The following DNM3 variants were observed in gnomAD, a reference collection of about 807,000 sequenced individuals.
DNM3 encodes the protein dynamin-3.
Under a neutral mutation model 101.6 loss-of-function variants are expected in DNM3, and 47 were observed. The observed-to-expected ratio is 0.46, with a 90% CI of 0.37 to 0.59. DNM3 has a LOEUF of 0.59. Ranked by LOEUF, DNM3 falls within the 20% of genes least tolerant of loss-of-function variation. DNM3 has a pLI of 0.00. For synonymous variants in DNM3, 385 were observed against 387.9 expected (o/e 0.99, Z 0.09); for missense variants, 849 against 1,085.7 (o/e 0.78, Z 3.06).
intron 15 of DNM3, among the ~76,000 whole-genome samples, chr1:172,295,342 G>C (rs1017422127): frequency 5.3e-5 from 8 of 152,250 alleles, no homozygotes; most frequent in Admixed American, 3.3e-4. Context: ...TAAACATGTA[G>C]AGTTCCATCT....
At position 171,876,702 on chromosome 1, in the gene DNM3, T is replaced by A. The variant is rs778037230; in HGVS notation, c.161+34885T>A. On this transcript the variant is annotated intron_variant, in intron 1 of 20. Coordinates refer to ENST00000627582, the MANE Select transcript of DNM3 (RefSeq NM_015569.5). The stretch of plus-strand genomic sequence containing the variant: ...AAAAAATGACATTTATTGACTATAA[T>A]CTAGAAAGAGCAAAAGCAATTATTT... 2.0e-5 allele frequency among the ~76,000 whole-genome samples: 3 copies of A among 152,352 alleles called. No homozygotes were observed. In the East Asian group the frequency reaches 5.8e-4, roughly 29 times the overall value.
intron 14 of DNM3, among the ~76,000 whole-genome samples, chr1:172,163,010 A>T (rs917125161): frequency 6.6e-6 from 1 of 152,096 alleles, no homozygotes; most frequent in Non-Finnish European, 1.5e-5. Context: ...CTTGAGACTT[A>T]TTTTTCTTAC....
chr1:172,341,711 A>G (rs2066693787), intron 17 of DNM3, among the ~76,000 whole-genome samples: 1 of 152,160 alleles, frequency 6.6e-6, no homozygotes, highest in African/African-American at 2.4e-5. Flanking sequence ...CCCTTCTTTC[A>G]CCATAAACGA....
intron 1 of DNM3, among the ~76,000 whole-genome samples, chr1:171,842,568 T>G (rs191779406): frequency 2.6e-5 from 4 of 152,284 alleles, no homozygotes; most frequent in African/African-American, 9.6e-5. Context: ...CGTGGACTTA[T>G]GTTGTCCAGG....
intron 17 of DNM3, among the ~76,000 whole-genome samples, 183 bp downstream of exon 17, chr1:172,323,523 T>C (rs1455735395): frequency 1.3e-5 from 2 of 152,162 alleles, no homozygotes; most frequent in African/African-American, 2.4e-5. Context: ...GGCTGTTCCG[T>C]TTTGACTTTT....
intron 2 of DNM3, among the ~76,000 whole-genome samples, chr1:171,969,471 T>C (rs572732870): frequency 6.6e-6 from 1 of 152,338 alleles, no homozygotes; most frequent in African/African-American, 2.4e-5. Context: ...ATTATGCAGA[T>C]AGCATCTCCC....
chr1:171,841,801 G>A lies in DNM3; in HGVS notation c.145G>A (p.Glu49Lys). The A allele has an allele frequency of 6.2e-7, 1 of 1,609,146 alleles. No homozygotes were observed. The highest frequency in any genetic ancestry group is 8.5e-7 in the Non-Finnish European group (1 of 1,179,020). Residue 49 changes from glutamate to lysine, a missense_variant, in exon 1 of 21, where the codon GAG becomes AAG. Coordinates refer to ENST00000627582, the MANE Select transcript of DNM3 (RefSeq NM_015569.5). ...GQSAGKSSVL[E>K]NFVGRDFLPR... ...GAGCGCCGGCAAGAGCTCGGTGCTC[G>A]AGAACTTCGTGGGCAGGTAAGCGCG...
chr1:172,314,492 G>A (rs1557979236), intron 16 of DNM3, among the ~76,000 whole-genome samples: 1 of 152,188 alleles, frequency 6.6e-6, no homozygotes, highest in Non-Finnish European at 1.5e-5. Flanking sequence ...GTCAAGGAAA[G>A]GGGTGACAGA....
chr1:171,876,550 T>C (rs755472694), intron 1 of DNM3, among the ~76,000 whole-genome samples: 5 of 152,180 alleles, frequency 3.3e-5, no homozygotes, highest in Non-Finnish European at 7.3e-5. Flanking sequence ...ATACATGTTG[T>C]GGCTTTGTAT....
At chr1:171,980,165 TG>T (rs2044684874) in intron 2 of DNM3, among the ~76,000 whole-genome samples, 5 of 150,504 alleles carry the variant, frequency 3.3e-5, no homozygotes, top group Non-Finnish European at 3.0e-5. Flanking sequence ...TTTTTTTTTT[TG>T]ATTGCTAGAC....
chr1:171,880,167 A>T (rs1365266169), intron 1 of DNM3, among the ~76,000 whole-genome samples: 2 of 152,224 alleles, frequency 1.3e-5, no homozygotes, highest in African/African-American at 2.4e-5. Flanking sequence ...ATTTCCTGTG[A>T]TGGCTAGAAA....
At chr1:171,895,446 T>C (rs573055822) in intron 1 of DNM3, among the ~76,000 whole-genome samples, 4 of 152,374 alleles carry the variant, frequency 2.6e-5, no homozygotes, top group African/African-American at 9.6e-5. Context: ...TTTTGAGAAG[T>C]GTCTGTTCAT....
rs77473765 is a variant in DNM3 at position 172,350,425 on chromosome 1, C to T, written c.1893+27085C>T. 8.0e-3 allele frequency among the ~76,000 whole-genome samples: 1,207 copies of T among 151,752 alleles called. 10 individuals carry two copies. Among genetic ancestry groups the T allele is most frequent in the Non-Finnish European group, 0.013 (914 of 67,872 alleles). On this transcript the variant is annotated intron_variant, in intron 17 of 20. Coordinates refer to ENST00000627582, the MANE Select transcript of DNM3 (RefSeq NM_015569.5). ...AACACAGAGAGCTGGATTTTTTTTG[C>T]AAACCAATATTTTTGTGCCATTTGA...
At chr1:172,284,169 G>A (rs2063607858) in intron 15 of DNM3, among the ~76,000 whole-genome samples, 1 of 152,120 alleles carries the variant, frequency 6.6e-6, no homozygotes, top group South Asian at 2.1e-4. Context: ...CAGCCATCTG[G>A]TCAAAGACCC....
chr1:172,354,817 T>C (rs899766847), intron 17 of DNM3, among the ~76,000 whole-genome samples: 4 of 151,946 alleles, frequency 2.6e-5, no homozygotes, highest in Non-Finnish European at 2.9e-5. Context: ...TACTTAGACA[T>C]ATGGAGATAG....
Position 171,879,412 on chromosome 1 carries a change from T to C in DNM3, c.161+37595T>C, listed in dbSNP as rs115512815. Reference sequence around the variant, plus strand: ...TGTCTACTGAAAATCCACACCACTTTACATTATTTTGAATGTTTGAAAGCA... The same window carrying C: ...TGTCTACTGAAAATCCACACCACTTCACATTATTTTGAATGTTTGAAAGCA... On this transcript the variant is annotated intron_variant, in intron 1 of 20. Coordinates refer to ENST00000627582, the MANE Select transcript of DNM3 (RefSeq NM_015569.5). 2.6e-3 allele frequency among the ~76,000 whole-genome samples: 394 copies of C among 152,352 alleles called. 4 individuals are homozygous for C. Among genetic ancestry groups the C allele is most frequent in the African/African-American group, 9.1e-3 (378 of 41,588 alleles).
chr1:171,921,040 C>T (rs1357013244), intron 1 of DNM3, among the ~76,000 whole-genome samples: 1 of 152,144 alleles, frequency 6.6e-6, no homozygotes, highest in African/African-American at 2.4e-5. Context: ...CCTCCCACCT[C>T]AGCCTTCTGG....
intron 14 of DNM3, among the ~76,000 whole-genome samples, chr1:172,188,324 C>T (rs560293281): frequency 5.3e-5 from 8 of 152,144 alleles, no homozygotes; most frequent in African/African-American, 1.9e-4. Flanking sequence ...GGTGGTTTTC[C>T]TGCTTCAGCC....
chr1:172,077,482 A>AC (rs1323003263), intron 11 of DNM3, among the ~76,000 whole-genome samples: 8 of 152,196 alleles, frequency 5.3e-5, no homozygotes, highest in Non-Finnish European at 1.0e-4. Flanking sequence ...ACACTGCTTT[A>AC]ACTGTGTCGC....
Sources: gnomAD v4.1 joint callset for allele counts (sites outside exome capture counted in the v4.1 genomes callset) on GRCh38, gnomAD v4.1.1 for gene constraint, MANE v1.5 for transcripts, NCBI Gene and HGNC (gene_info 2026-07-23, HGNC 2026-07-21) for gene names.